THSD7A: variants seen among roughly 807,000 people sequenced by gnomAD.
The protein encoded by THSD7A is thrombospondin type-1 domain-containing protein 7A.
THSD7A carries 96 observed loss-of-function variants against 231.3 expected under a neutral mutation model. The ratio of observed to expected loss-of-function variants is 0.41; its 90% CI spans 0.35 to 0.49. The LOEUF is 0.49. Among genes scored for constraint, THSD7A ranks in the 20% least tolerant of loss-of-function variants. The pLI is 0.05. For missense variants in THSD7A, 2,290 were observed against 2,070.2 expected (o/e 1.11, Z -2.06); for synonymous variants, 940 against 743.3 (o/e 1.26, Z -4.30).
intron 6 of THSD7A, among the ~76,000 whole-genome samples, chr7:11,518,219 G>C (rs1206838294): frequency 6.6e-6 from 1 of 152,150 alleles, no homozygotes; most frequent in Non-Finnish European, 1.5e-5. Flanking sequence ...ACACAGGCAT[G>C]TACACAATTA....
chr7:11,734,246 G>A (rs577388461), intron 1 of THSD7A, among the ~76,000 whole-genome samples: 7 of 151,622 alleles, frequency 4.6e-5, no homozygotes, highest in Non-Finnish European at 8.8e-5. Flanking sequence ...ATTTTGCCTC[G>A]CCCCAAACCA....
At chr7:11,418,595 A>T (rs374055407) in intron 16 of THSD7A, among the ~76,000 whole-genome samples, 22 of 152,284 alleles carry the variant, frequency 1.4e-4, no homozygotes, top group African/African-American at 5.1e-4. Flanking sequence ...ATATCACTTG[A>T]ATTATATTGC....
At chr7:11,516,272 C>T (rs983394223) in intron 6 of THSD7A, among the ~76,000 whole-genome samples, 8 of 152,102 alleles carry the variant, frequency 5.3e-5, no homozygotes, top group Admixed American at 4.6e-4. Context: ...CTTACAAAAT[C>T]AGAAATTTTA....
At chr7:11,670,283 T>A (rs1453236142) in intron 1 of THSD7A, among the ~76,000 whole-genome samples, 1 of 152,190 alleles carries the variant, frequency 6.6e-6, no homozygotes, top group East Asian at 1.9e-4. Context: ...ACCTTTAGGT[T>A]CTGTGGTGTA....
intron 6 of THSD7A, among the ~76,000 whole-genome samples, chr7:11,521,512 C>CT (rs1465677151): frequency 2.2e-5 from 3 of 138,660 alleles, no homozygotes; most frequent in African/African-American, 5.7e-5. Context: ...TTATTATACT[C>CT]TAAGTTTTAG....
At chr7:11,666,841 G>C (rs10236271) in intron 1 of THSD7A, among the ~76,000 whole-genome samples, 3 of 151,750 alleles carry the variant, frequency 2.0e-5, no homozygotes, top group Non-Finnish European at 4.4e-5. Context: ...TTAGCTAAAG[G>C]AGACATTAAA....
chr7:11,657,523 G>T (rs533869083), intron 1 of THSD7A, among the ~76,000 whole-genome samples: 1 of 151,784 alleles, frequency 6.6e-6, no homozygotes, highest in East Asian at 1.9e-4. Flanking sequence ...GGTATATCCT[G>T]CTCTCCTTCA....
At chr7:11,615,514 A>G (rs1162083888) in intron 2 of THSD7A, among the ~76,000 whole-genome samples, 2 of 152,210 alleles carry the variant, frequency 1.3e-5, no homozygotes, top group Admixed American at 1.3e-4. Context: ...TGTGCATTCT[A>G]TTGCTTGCAG....
At chr7:11,711,455 A>T (rs981601395) in intron 1 of THSD7A, among the ~76,000 whole-genome samples, 1 of 151,086 alleles carries the variant, frequency 6.6e-6, no homozygotes, top group African/African-American at 2.4e-5. Context: ...CTGCTGACGA[A>T]TTAAATTTCT....
chr7:11,689,298 C>T (rs544831025), intron 1 of THSD7A, among the ~76,000 whole-genome samples: 17 of 151,910 alleles, frequency 1.1e-4, no homozygotes, highest in African/African-American at 3.1e-4. Flanking sequence ...TCACAGTGTG[C>T]AATAAAATGC....
intron 1 of THSD7A, among the ~76,000 whole-genome samples, chr7:11,784,035 A>G (rs1202565190): frequency 2.0e-5 from 3 of 151,968 alleles, no homozygotes; most frequent in Non-Finnish European, 4.4e-5. Flanking sequence ...CCTTTTGACT[A>G]TAATATTAGA....
At chr7:11,563,810 A>T (rs540853390) in intron 4 of THSD7A, among the ~76,000 whole-genome samples, 182 of 152,234 alleles carry the variant, frequency 1.2e-3, no homozygotes, top group Non-Finnish European at 2.2e-3. Flanking sequence ...GCAGTTCATG[A>T]ATTGATAGCC....
Position 11,832,063 on chromosome 7 carries a change from T to A in THSD7A, c.-117A>T. The A allele has an allele frequency of 1.5e-6, 1 of 667,794 alleles. No homozygotes were observed. Among genetic ancestry groups the A allele is most frequent in the Non-Finnish European group, 2.1e-6 (1 of 486,180 alleles). The allele number at this position is 667,794 out of a possible 1,614,324, so 41.4% of individuals were successfully genotyped here. ...AAGCAAAGCTCTTTCCTGCTATTGT[T>A]CGCTTCAGATGAGAAGGAGGGAGAG... On this transcript the variant is annotated 5_prime_UTR_variant, in exon 1 of 28. Coordinates refer to ENST00000423059, the MANE Select transcript of THSD7A (RefSeq NM_015204.3).
intron 1 of THSD7A, among the ~76,000 whole-genome samples, chr7:11,776,272 T>C (rs1783402985): frequency 6.6e-6 from 1 of 152,190 alleles, no homozygotes; most frequent in African/African-American, 2.4e-5. Context: ...TTTGTAGAAG[T>C]AGCTATTCTT....
chr7:11,563,803 GT>G (rs1284073931), intron 4 of THSD7A, among the ~76,000 whole-genome samples: 1 of 152,162 alleles, frequency 6.6e-6, no homozygotes, highest in Non-Finnish European at 1.5e-5. Context: ...ACTCTGTGCA[GT>G]TCATGAATTG....
chr7:11,406,156 G>T lies in THSD7A; in HGVS notation c.4237+144C>A. 1 of 819,262 alleles carries T rather than the reference G, an allele frequency of 1.2e-6. No individual in the cohort carries two copies. Among genetic ancestry groups the T allele is most frequent in the Non-Finnish European group, 1.8e-6 (1 of 550,922 alleles). The allele number at this position is 819,262 out of a possible 1,614,324, so 50.7% of individuals were successfully genotyped here. A position where few individuals can be genotyped will look rare whatever the true frequency, so the allele number is the denominator to read the frequency against. ...TGAGACAGCGTCCCGTTCCCCACAG[G>T]CATAGTGTTGAGCTGTTGGCATAGA... On this transcript the variant is annotated intron_variant, in intron 22 of 27. Coordinates refer to ENST00000423059, the MANE Select transcript of THSD7A (RefSeq NM_015204.3). The surrounding 1 kb of genome is among the most constrained non-coding windows in gnomAD (Gnocchi z 4.7).
chr7:11,514,450 T>C (rs2128314161), intron 6 of THSD7A, among the ~76,000 whole-genome samples: 1 of 152,234 alleles, frequency 6.6e-6, no homozygotes, highest in African/African-American at 2.4e-5. Context: ...GACACACGTA[T>C]ATATGTGTCA....
chr7:11,685,472 G>A (rs1392563442), intron 1 of THSD7A, among the ~76,000 whole-genome samples: 1 of 151,822 alleles, frequency 6.6e-6, no homozygotes, highest in Admixed American at 6.6e-5. Context: ...TGCAAACTAT[G>A]CATCTGACAA....
chr7:11,656,734 C>G (rs1782722945), intron 1 of THSD7A, among the ~76,000 whole-genome samples: 1 of 151,764 alleles, frequency 6.6e-6, no homozygotes, highest in Non-Finnish European at 1.5e-5. Context: ...GCCCATCCAG[C>G]AAATCAGTCA....
Sources: allele counts gnomAD v4.1 joint callset (sites outside exome capture counted in the v4.1 genomes callset), GRCh38; gene constraint gnomAD v4.1.1; non-coding constraint Gnocchi (gnomAD v3.1); transcripts MANE v1.5; gene names NCBI Gene and HGNC (gene_info 2026-07-23, HGNC 2026-07-21).